COL5A1: variants seen among roughly 807,000 people sequenced by gnomAD.
COL5A1 encodes collagen alpha-1(V) chain.
A neutral mutation model predicts 263.7 loss-of-function variants in COL5A1; 16 were observed. That is an observed-to-expected ratio of 0.06 (90% CI 0.04 to 0.09). COL5A1 has a LOEUF of 0.09. COL5A1 is among the 10% of genes least tolerant of loss of function. The pLI is 1.00. For synonymous variants in COL5A1, 1,012 were observed against 1,004.5 expected (o/e 1.01, Z -0.14); for missense variants, 2,036 against 2,540.5 (o/e 0.80, Z 4.27).
At chr9:134,693,577 AGGTCCCAAAGTGTTG>A (rs1833358350) in intron 2 of COL5A1, among the ~76,000 whole-genome samples, 1 of 152,168 alleles carries the variant, frequency 6.6e-6, no homozygotes, top group Non-Finnish European at 1.5e-5. Context: ...TCCCTTCTGC[AGGTCCCAAAGTGTTG>A]GGTTGGGACC....
rs1001281726 is a variant in COL5A1, at chr9:134,727,370, G to A, written c.759G>A (p.Gln253=). The A allele has an allele frequency of 6.2e-7, 1 of 1,614,172 alleles. No homozygotes were observed. Among genetic ancestry groups the A allele is most frequent in the South Asian group, 1.1e-5 (1 of 91,072 alleles). ...ACACCGCAGTACCTGACACCCCACA[G>A]TCGCAGGACCCCAATCCAGATGAAT... ...DCDTAVPDTP[Q]SQDPNPDEYY... is the part of the protein sequence containing the mutation. The change falls in exon 5 of 66, where the codon CAG becomes CAA. Residue 253 remains glutamine (Q), a synonymous_variant. Transcript: ENST00000371817.
rs115102869 is a variant in COL5A1 at position 134,694,934 on chromosome 9, G to A, written c.277+3855G>A. On this transcript the variant is annotated intron_variant, in intron 2 of 65. Coordinates refer to ENST00000371817, the MANE Select transcript of COL5A1 (RefSeq NM_000093.5). Reference sequence around the variant, plus strand: ...GGATCCACGTCCCCACTGGGGGCCCGGGATGGTGTGCTCCCTGCCTTGTTG... The same window carrying A: ...GGATCCACGTCCCCACTGGGGGCCCAGGATGGTGTGCTCCCTGCCTTGTTG... Among the ~76,000 whole-genome samples the A allele has an allele frequency of 5.9e-3, 898 of 152,278 alleles. 7 individuals are homozygous for A. Among genetic ancestry groups the A allele is most frequent in the African/African-American group, 0.021 (866 of 41,556 alleles).
intron 1 of COL5A1, among the ~76,000 whole-genome samples, chr9:134,654,805 G>T (rs1203081132): frequency 7.9e-6 from 1 of 127,278 alleles, no homozygotes; most frequent in Non-Finnish European, 1.7e-5. Context: ...CCTCGTGTGT[G>T]TTTAGGGCGG....
intron 19 of COL5A1, among the ~76,000 whole-genome samples, chr9:134,762,868 CGT>C (rs36058752): frequency 0.14 from 20,428 of 149,320 alleles, 2,356 homozygotes; most frequent in African/African-American, 0.3. Flanking sequence ...ATTGAGAGGA[CGT>C]GTGTGTGTGT....
intron 53 of COL5A1, 93 bp from the exon 54 acceptor site, chr9:134,817,685 A>G: frequency 1.4e-6 from 1 of 723,270 alleles, no homozygotes; most frequent in Non-Finnish European, 2.1e-6. Flanking sequence ...CCTGCAGGCC[A>G]CACACACACA....
intron 49 of COL5A1, 29 bp downstream of exon 49, chr9:134,814,065 G>A: frequency 6.5e-7 from 1 of 1,549,206 alleles, no homozygotes. Flanking sequence ...CGGGAGGGGT[G>A]GGATATGGCC....
chr9:134,740,883 A>G (rs1177979096), intron 11 of COL5A1, among the ~76,000 whole-genome samples: 1 of 152,200 alleles, frequency 6.6e-6, no homozygotes, highest in Non-Finnish European at 1.5e-5. Flanking sequence ...CAGGAGCATG[A>G]GGACTGAGGT....
chr9:134,698,994 C>G (rs1199193201), intron 2 of COL5A1, among the ~76,000 whole-genome samples: 1 of 152,230 alleles, frequency 6.6e-6, no homozygotes, highest in Non-Finnish European at 1.5e-5. Context: ...TCTGAGCAGC[C>G]CACAGCCTTA....
intron 4 of COL5A1, among the ~76,000 whole-genome samples, chr9:134,702,880 G>A (rs976985518): frequency 1.3e-5 from 2 of 152,220 alleles, no homozygotes; most frequent in Admixed American, 6.5e-5. Flanking sequence ...CATGAGCTGT[G>A]GCAAAGGTTC....
intron 25 of COL5A1, 41 bp downstream of exon 25, chr9:134,768,504 A>G (rs199654033): frequency 6.3e-7 from 1 of 1,593,828 alleles, no homozygotes; most frequent in Non-Finnish European, 8.6e-7. Flanking sequence ...TACTCTCCCC[A>G]CCTCCACCCT....
intron 64 of COL5A1, chr9:134,830,466 G>A (rs1333830474): frequency 1.2e-5 from 6 of 520,806 alleles, no homozygotes; most frequent in South Asian, 6.7e-5. Context: ...GCCCACAGAC[G>A]GTGCAGCCCC....
chr9:134,830,117 G>A lies in COL5A1; in HGVS notation c.5136+73G>A, dbSNP rs560195385. 386 of 1,612,800 alleles carry A rather than the reference G, an allele frequency of 2.4e-4. No individual in the cohort carries two copies. Among genetic ancestry groups the A allele is most frequent in the Non-Finnish European group, 3.1e-4 (364 of 1,179,468 alleles). ...ATCTCGTATCTTACAGAGTAAAATG[G>A]CCCGCTGGCCCAAAGAGCAGCCTTC... On this transcript the variant is annotated intron_variant, in intron 64 of 65. Coordinates refer to ENST00000371817, the MANE Select transcript of COL5A1 (RefSeq NM_000093.5).
intron 4 of COL5A1, among the ~76,000 whole-genome samples, chr9:134,715,563 C>A (rs1444833824): frequency 6.6e-6 from 1 of 152,160 alleles, no homozygotes; most frequent in African/African-American, 2.4e-5. Flanking sequence ...TGGACAATAC[C>A]TGGCCTTCCT....
At chr9:134,827,287 G>C (rs750399902) in intron 63 of COL5A1, among the ~76,000 whole-genome samples, 1 of 152,210 alleles carries the variant, frequency 6.6e-6, no homozygotes, top group Non-Finnish European at 1.5e-5. Context: ...TAGCCACTTT[G>C]GGTTAGGAGC....
rs1269323855 is a variant in COL5A1, at chr9:134,669,234, T to TCCC, written c.110-21678_110-21677insCCC. 6.8e-3 allele frequency among the ~76,000 whole-genome samples: 538 copies of TCCC among 79,030 alleles called. 23 individuals carry two copies. Among genetic ancestry groups the TCCC allele is most frequent in the Middle Eastern group, 0.01 (2 of 192 alleles). 51.8% of individuals were successfully genotyped at this position (79,030 alleles called of 152,430 possible). On this transcript the variant is annotated intron_variant, in intron 1 of 65. Coordinates refer to ENST00000371817, the MANE Select transcript of COL5A1 (RefSeq NM_000093.5). ...CCTTTTCCCTTCCCTTCCCTTCCCT[T>TCCC]TCCTTCCCTTCCCTTCCCTTCCCTT... is the stretch of plus-strand genomic sequence containing the variant.
intron 1 of COL5A1, among the ~76,000 whole-genome samples, chr9:134,688,408 C>T (rs965148806): frequency 3.9e-5 from 6 of 152,206 alleles, no homozygotes; most frequent in East Asian, 1.9e-4. Context: ...GCAGGTGGAC[C>T]GGCAGCTGGC....
chr9:134,796,529 G>GCAGGGT, intron 35 of COL5A1, 111 bp downstream of exon 35: 1 of 1,141,100 alleles, frequency 8.8e-7, no homozygotes, highest in African/African-American at 1.5e-5. Context: ...CTCAGACCCT[G>GCAGGGT]CTGAAGGGTA....
At chr9:134,687,188 G>C (rs2132544335) in intron 1 of COL5A1, among the ~76,000 whole-genome samples, 1 of 152,320 alleles carries the variant, frequency 6.6e-6, no homozygotes, top group East Asian at 1.9e-4. Flanking sequence ...ATATGGCCCT[G>C]CTGGCTGTGC....
At chr9:134,836,523 G>A (rs1268295238) in intron 65 of COL5A1, among the ~76,000 whole-genome samples, 4 of 152,306 alleles carry the variant, frequency 2.6e-5, no homozygotes, top group East Asian at 1.9e-4. Flanking sequence ...CGGGGCCGGC[G>A]TTAGGGCCGG....
Sources: allele counts gnomAD v4.1 joint callset (sites outside exome capture counted in the v4.1 genomes callset), GRCh38; gene constraint gnomAD v4.1.1; transcripts MANE v1.5; gene names NCBI Gene and HGNC (gene_info 2026-07-23, HGNC 2026-07-21).